The following KLC4 variants were observed in gnomAD, a reference collection of about 807,000 sequenced individuals.
KLC4 encodes kinesin-like protein 8.
In KLC4, 49 loss-of-function variants were observed where a neutral mutation model predicts 77.2. The ratio of observed to expected loss-of-function variants is 0.63; its 90% CI spans 0.50 to 0.80. KLC4 has a LOEUF of 0.80. Ranked by LOEUF, KLC4 falls within the 30% of genes least tolerant of loss-of-function variation. The pLI is 0.00. For missense variants in KLC4, 669 were observed against 793.5 expected (o/e 0.84, Z 1.89); for synonymous variants, 274 against 314.5 (o/e 0.87, Z 1.36).
rs1202580756 is a variant in KLC4, at chr6:43,062,930, T to C, written c.272T>C (p.Leu91Pro). The change falls in exon 3 of 16, where the codon CTA becomes CCA. Residue 91 changes from leucine (L) to proline (P), a missense_variant. Physicochemically the swap from Leu to Pro is moderately conservative, Grantham distance 98. Transcript: ENST00000347162. The stretch of plus-strand genomic sequence containing the variant: ...GTGCCCACCTAGGTGATGCTGGCTC[T>C]AGCCAGCCACCTGAGCACAGTGGAG... ...GLSEAQVMLALASHLSTVESE... is the reference protein window; with the variant it reads ...GLSEAQVMLAPASHLSTVESE... 1.2e-6 allele frequency: 2 copies of C among 1,613,764 alleles called. No individual in the cohort carries two copies. The highest frequency in any genetic ancestry group is 8.5e-7 in the Non-Finnish European group (1 of 1,179,756).
rs751368456 is a variant in KLC4 at position 43,066,406 on chromosome 6, A to G, written c.672A>G (p.Gln224=). 11 of 1,614,212 alleles carry G rather than the reference A, an allele frequency of 6.8e-6. No individual in the cohort carries two copies. Among genetic ancestry groups the G allele is most frequent in the South Asian group, 5.5e-5 (5 of 91,088 alleles). Residue 224 remains glutamine, a synonymous_variant, in exon 5 of 16, where the codon CAA becomes CAG. Transcript: ENST00000347162. Reference sequence around the variant, plus strand: ...ACCTGGTGATCCAGTACGCAGCCCAAGGTCGCTATGAGGTGGCCGTGCCAC... The same window carrying G: ...ACCTGGTGATCCAGTACGCAGCCCAGGGTCGCTATGAGGTGGCCGTGCCAC... ...LHNLVIQYAA[Q]GRYEVAVPLC...
chr6:43,074,420 T>G (rs537962556), intron 15 of KLC4: 51 of 591,136 alleles, frequency 8.6e-5, no homozygotes, highest in Non-Finnish European at 1.5e-4. Flanking sequence ...TTCTTCCAGG[T>G]AGCTTCTCCA....
At chr6:43,060,015 C>T (rs1765059372) in intron 1 of KLC4, 1 of 1,428,132 alleles carries the variant, frequency 7.0e-7, no homozygotes, top group Non-Finnish European at 9.2e-7. Context: ...GGCACCAGGG[C>T]AGGTCGACAG....
chr6:43,068,992 C>T (rs1012906088), intron 6 of KLC4, among the ~76,000 whole-genome samples: 2 of 152,068 alleles, frequency 1.3e-5, no homozygotes, highest in African/African-American at 4.8e-5. Flanking sequence ...CCTGTAGTCC[C>T]AGGTACTCGG....
In KLC4 at chr6:43,066,491, G is replaced by A. The variant is rs1281713664; in HGVS notation, c.757G>A (p.Ala253Thr). The change falls in exon 5 of 16, where the codon GCC (alanine) becomes ACC (threonine). Residue 253 changes from alanine to threonine, a missense_variant. Physicochemically the swap from Ala to Thr is moderately conservative, Grantham distance 58 (BLOSUM62 0). Coordinates refer to ENST00000347162, the MANE Select transcript of KLC4 (RefSeq NM_201521.3). ...ATCAGGCCGTGGCCACCCTGATGTC[G>A]CCACCATGCTCAACATCCTTGCTTT... The part of the protein sequence containing the change: ...RTSGRGHPDV[A>T]TMLNILALVY... 21 of 1,613,576 alleles carry A rather than the reference G, an allele frequency of 1.3e-5. No individual in the cohort carries two copies. The highest frequency in any genetic ancestry group is 2.2e-5 in the East Asian group (1 of 44,876).
chr6:43,062,618 C>T, intron 2 of KLC4: 1 of 433,254 alleles, frequency 2.3e-6, no homozygotes, highest in African/African-American at 2.0e-5. Context: ...AACTTGGCAT[C>T]ATCAGGTTGT....
At chr6:43,067,194 G>A in intron 6 of KLC4, 111 bp downstream of exon 6, 1 of 1,479,984 alleles carries the variant, frequency 6.8e-7, no homozygotes, top group Non-Finnish European at 9.1e-7. Context: ...TAAGGGTGCT[G>A]AGGAAGGAGG....
intron 3 of KLC4, among the ~76,000 whole-genome samples, chr6:43,063,429 C>T (rs1048432446): frequency 1.3e-5 from 2 of 152,194 alleles, no homozygotes; most frequent in African/African-American, 4.8e-5. Flanking sequence ...CTCACAATTA[C>T]AAGCTTGTGA....
rs137917655 is a variant in KLC4, at chr6:43,063,017, G to A, written c.359G>A (p.Arg120Gln). 182 of 1,614,202 alleles carry A rather than the reference G, an allele frequency of 1.1e-4. No individual in the cohort carries two copies. Among genetic ancestry groups the A allele is most frequent in the Middle Eastern group, 3.3e-4 (2 of 6,056 alleles). The part of the protein sequence containing the change: ...RRLCQENQWL[R>Q]DELAGTQQRL... ...CTATGCCAGGAGAACCAGTGGCTGCGGGATGAGCTGGCTGGCACCCAGCAG... is the reference window on the plus strand; with the variant it reads ...CTATGCCAGGAGAACCAGTGGCTGCAGGATGAGCTGGCTGGCACCCAGCAG... The change falls in exon 3 of 16, where the codon CGG (arginine) becomes CAG (glutamine). Residue 120 changes from arginine to glutamine, a missense_variant. Physicochemically the swap from Arg to Gln is conservative, Grantham distance 43 (BLOSUM62 1). Coordinates refer to ENST00000347162, the MANE Select transcript of KLC4 (RefSeq NM_201521.3).
chr6:43,059,634 G>A lies in KLC4; in HGVS notation c.-77G>A. The A allele has an allele frequency of 7.2e-7, 1 of 1,393,238 alleles. No homozygotes were observed. The highest frequency in any genetic ancestry group is 9.3e-7 in the Non-Finnish European group (1 of 1,077,818). 86.3% of individuals were successfully genotyped at this position (1,393,238 alleles called of 1,614,324 possible). On this transcript the variant is annotated 5_prime_UTR_variant, in exon 1 of 16. Transcript: ENST00000347162. ...ATTGCCTCGAGCGGCAGCCATCATG[G>A]ATTTAAAGGGGCAGTACCGGCAAGA... is the stretch of plus-strand genomic sequence containing the variant.
chr6:43,067,019 C>G lies in KLC4; in HGVS notation c.815C>G (p.Ala272Gly), dbSNP rs1407286669. 1.2e-6 allele frequency: 2 copies of G among 1,613,850 alleles called. No individual in the cohort carries two copies. Among genetic ancestry groups the G allele is most frequent in the Non-Finnish European group, 1.7e-6 (2 of 1,179,790 alleles). ...AGTGACCAGAATAAGTATAAGGAAG[C>G]TGCCCACCTGCTGAATGATGCCCTT... ...VYRDQNKYKE[A>G]AHLLNDALSI... The change falls in exon 6 of 16, where the codon GCT becomes GGT. Residue 272 changes from alanine (A) to glycine (G), a missense_variant. Coordinates refer to ENST00000347162, the MANE Select transcript of KLC4 (RefSeq NM_201521.3).
chr6:43,060,346 G>C (rs768028925), intron 1 of KLC4: 2 of 1,594,412 alleles, frequency 1.3e-6, no homozygotes, highest in South Asian at 2.2e-5. Context: ...GGCCTGCAAT[G>C]AGGGAGGCTG....
chr6:43,071,893 A>G lies in KLC4; in HGVS notation c.1350A>G (p.Gly450=), dbSNP rs756412650. Reference sequence around the variant, plus strand: ...GTGGGACACCCTATGCTGAGTATGGAGGCTGGTACAAGGCCTGCAAAGTGA... The same window carrying G: ...GTGGGACACCCTATGCTGAGTATGGGGGCTGGTACAAGGCCTGCAAAGTGA... ...HEGGTPYAEY[G]GWYKACKVSS... Residue 450 remains glycine (G), a synonymous_variant, in exon 11 of 16, where the codon GGA becomes GGG. Transcript: ENST00000347162. The G allele has an allele frequency of 6.2e-7, 1 of 1,611,884 alleles. No homozygotes were observed. Among genetic ancestry groups the G allele is most frequent in the South Asian group, 1.1e-5 (1 of 90,270 alleles).
Position 43,067,835 on chromosome 6 carries a change from G to A in KLC4, c.879+752G>A, listed in dbSNP as rs181433405. 3.7e-3 allele frequency among the ~76,000 whole-genome samples: 340 copies of A among 91,486 alleles called. 40 individuals are homozygous for A. Among genetic ancestry groups the A allele is most frequent in the Middle Eastern group, 0.022 (4 of 178 alleles). 60.0% of individuals were successfully genotyped at this position (91,486 alleles called of 152,430 possible). Reference sequence around the variant, plus strand: ...AAATGAAAATATAGGTGGACAGGCCGGGCGCGGTGGCTCACGCCTGTAATC... The same window carrying A: ...AAATGAAAATATAGGTGGACAGGCCAGGCGCGGTGGCTCACGCCTGTAATC... On this transcript the variant is annotated intron_variant, in intron 6 of 15. Transcript: ENST00000347162.
intron 13 of KLC4, 115 bp from the exon 14 acceptor site, chr6:43,073,107 TC>T: frequency 7.6e-7 from 1 of 1,324,118 alleles, no homozygotes; most frequent in South Asian, 1.4e-5. Flanking sequence ...GACTTTTATT[TC>T]CAGTCACTGG....
chr6:43,060,343 A>T, intron 1 of KLC4: 1 of 1,604,002 alleles, frequency 6.2e-7, no homozygotes, highest in Non-Finnish European at 8.5e-7. Context: ...CTAGGCCTGC[A>T]ATGAGGGAGG....
intron 6 of KLC4, among the ~76,000 whole-genome samples, chr6:43,069,764 T>G (rs906818817): frequency 6.6e-6 from 1 of 152,114 alleles, no homozygotes; most frequent in Non-Finnish European, 1.5e-5. Flanking sequence ...GTCAGGCTGG[T>G]CTCGAACTCC....
Position 43,063,100 on chromosome 6 carries a change from G to T in KLC4, c.442G>T (p.Glu148Ter), listed in dbSNP as rs756124328. The T allele has an allele frequency of 1.8e-5, 29 of 1,614,232 alleles. No homozygotes were observed. Among genetic ancestry groups the T allele is most frequent in the Middle Eastern group, 3.3e-4 (2 of 6,062 alleles). Residue 148 changes from glutamate to a stop codon, truncating the protein, a stop_gained, in exon 3 of 16, where the codon GAG becomes TAG. Coordinates refer to ENST00000347162, the MANE Select transcript of KLC4 (RefSeq NM_201521.3). LOFTEE classifies it high-confidence loss of function. ...GCTGGAGGAGGAAAAGAAGCACCTG[G>T]AGTTCCTGGGGCAGCTGCGGCAGTA... is the stretch of plus-strand genomic sequence containing the variant. The part of the protein sequence containing the change: ...AQLEEEKKHL[E>*]FLGQLRQYDE...
chr6:43,074,048 G>A (rs1765858899), intron 15 of KLC4, 83 bp downstream of exon 15: 1 of 1,034,790 alleles, frequency 9.7e-7, no homozygotes, highest in Admixed American at 2.2e-5. Context: ...AAGGGAAGAG[G>A]GAAGGGAGAG....
Sources: allele counts gnomAD v4.1 joint callset (sites outside exome capture counted in the v4.1 genomes callset), GRCh38; gene constraint gnomAD v4.1.1; transcripts MANE v1.5; gene names NCBI Gene and HGNC (gene_info 2026-07-23, HGNC 2026-07-21).